Variants in C13orf46 observed in about 807,000 individuals in gnomAD.
C13orf46 encodes the protein chromosome 13 open reading frame 46, also known as uncharacterized protein C13orf46.
the C13orf46 span, among the ~76,000 whole-genome samples, chr13:113,940,572 G>A: frequency 2.4e-3 from 114 of 47,526 alleles, 3 homozygotes; most frequent in African/African-American, 3.4e-3. Flanking sequence ...GAGGCTGAGC[G>A]TTCGAGACCC....
intron 6 of C13orf46, among the ~76,000 whole-genome samples, chr13:113,961,827 G>A (rs1156649114): frequency 3.9e-5 from 6 of 152,058 alleles, no homozygotes; most frequent in Non-Finnish European, 7.4e-5. Context: ...AGAGCTGTGC[G>A]TGATCTGTGG....
At chr13:113,958,714 A>G (rs1363760933) in intron 6 of C13orf46, among the ~76,000 whole-genome samples, 2 of 152,176 alleles carry the variant, frequency 1.3e-5, no homozygotes, top group African/African-American at 4.8e-5. Flanking sequence ...AACTCTTGAA[A>G]AGCTTTTTTT....
intron 5 of C13orf46, 23 bp downstream of exon 5, chr13:113,967,318 G>A (rs1157395716): frequency 7.9e-5 from 12 of 152,280 alleles, no homozygotes; most frequent in Admixed American, 2.0e-4. Flanking sequence ...GGCTCTGCTT[G>A]TCTTGCGGTT....
downstream of C13orf46, among the ~76,000 whole-genome samples, chr13:113,949,147 G>T (rs1246711508): frequency 6.6e-6 from 1 of 152,200 alleles, no homozygotes; most frequent in Non-Finnish European, 1.5e-5. Context: ...AAACTTTTGG[G>T]CATCAGGGTT....
At chr13:113,961,806 A>G (rs2052589021) in intron 6 of C13orf46, among the ~76,000 whole-genome samples, 1 of 152,052 alleles carries the variant, frequency 6.6e-6, no homozygotes, top group Non-Finnish European at 1.5e-5. Flanking sequence ...CTCTGGAACT[A>G]TGAAGTGTGC....
At chr13:113,969,311 T>C (rs1052544322) in intron 2 of C13orf46, among the ~76,000 whole-genome samples, 20,250 of 152,314 alleles carry the variant, frequency 0.13, 1,732 homozygotes, top group Middle Eastern at 0.2. Flanking sequence ...CCGAGGGTAT[T>C]GACTGACTTG....
intron 6 of C13orf46, among the ~76,000 whole-genome samples, chr13:113,963,280 T>G (rs2052603506): frequency 1.0e-5 from 1 of 95,824 alleles, no homozygotes; most frequent in Non-Finnish European, 2.2e-5. Flanking sequence ...GTCCTCAGCC[T>G]CGGCCCCTGT....
chr13:113,944,019 C>T, the C13orf46 span, among the ~76,000 whole-genome samples: 26 of 152,306 alleles, frequency 1.7e-4, 1 homozygote, highest in Middle Eastern at 0.01. Context: ...GGAAGGAATG[C>T]GGTACAAGTG....
At chr13:113,948,870 C>T (rs1036715582), downstream of C13orf46, among the ~76,000 whole-genome samples, 2 of 152,208 alleles carry the variant, frequency 1.3e-5, no homozygotes, top group Non-Finnish European at 2.9e-5. Context: ...CTCCTTAAAT[C>T]TTTGGAATTT....
At chr13:113,945,667 AGAAAG>A in the C13orf46 span, among the ~76,000 whole-genome samples, 239 of 136,472 alleles carry the variant, frequency 1.8e-3, 2 homozygotes, top group Non-Finnish European at 3.2e-3. Flanking sequence ...AAAGAAAGAA[AGAAAG>A]GAAAGAAAAA....
the C13orf46 span, among the ~76,000 whole-genome samples, chr13:113,942,538 G>A: frequency 6.6e-6 from 1 of 152,188 alleles, no homozygotes; most frequent in South Asian, 2.1e-4. Flanking sequence ...GAGCCACTGA[G>A]AGACAGCCTT....
the C13orf46 span, among the ~76,000 whole-genome samples, chr13:113,930,177 C>T: frequency 6.6e-6 from 1 of 152,222 alleles, no homozygotes; most frequent in Non-Finnish European, 1.5e-5. Flanking sequence ...TGTGACTGTG[C>T]CTGGAGAGAA....
intron 1 of C13orf46, among the ~76,000 whole-genome samples, chr13:113,971,134 C>G (rs200949713): frequency 9.2e-5 from 14 of 152,334 alleles, no homozygotes; most frequent in Admixed American, 2.6e-4. Flanking sequence ...CCAGCCGCAT[C>G]GGAGCCGGGA....
At chr13:113,929,644 G>A in the C13orf46 span, among the ~76,000 whole-genome samples, 1 of 152,244 alleles carries the variant, frequency 6.6e-6, no homozygotes. Flanking sequence ...AAGTCGCGCT[G>A]TGAGTGACTG....
intron 6 of C13orf46, among the ~76,000 whole-genome samples, chr13:113,961,122 T>C (rs2052583207): frequency 3.3e-5 from 5 of 152,216 alleles, no homozygotes; most frequent in Admixed American, 6.5e-5. Context: ...TTGACATCTT[T>C]TGCAGGTTTC....
chr13:113,957,088 G>A (rs1036327800), intron 6 of C13orf46, among the ~76,000 whole-genome samples: 6 of 147,536 alleles, frequency 4.1e-5, no homozygotes, highest in Non-Finnish European at 9.0e-5. Flanking sequence ...CAAGCACACT[G>A]GGGGGGTCTC....
downstream of C13orf46, among the ~76,000 whole-genome samples, chr13:113,950,536 G>A (rs1017636667): frequency 1.3e-5 from 2 of 152,252 alleles, no homozygotes; most frequent in Admixed American, 6.5e-5. Flanking sequence ...AGGGCCAGAA[G>A]GGCTGTGTCC....
At chr13:113,945,539 G>GTCAAAGAAAGAAGAA in the C13orf46 span, among the ~76,000 whole-genome samples, 14 of 73,664 alleles carry the variant, frequency 1.9e-4, no homozygotes, top group African/African-American at 6.4e-4. Flanking sequence ...GCGAGAATCT[G>GTCAAAGAAAGAAGAA]AGAAAGAAAG....
chr13:113,931,417 G>C, the C13orf46 span, among the ~76,000 whole-genome samples: 25 of 152,198 alleles, frequency 1.6e-4, no homozygotes, highest in Non-Finnish European at 3.4e-4. Context: ...AGGCGAGAGA[G>C]GCTCAGGTCT....
Sources: allele counts gnomAD v4.1 joint callset (sites outside exome capture counted in the v4.1 genomes callset), GRCh38; gene constraint gnomAD v4.1.1; transcripts MANE v1.5; gene names NCBI Gene and HGNC (gene_info 2026-07-23, HGNC 2026-07-21).